The following SYT1 variants were observed in gnomAD, a reference collection of about 807,000 sequenced individuals.
SYT1 encodes the protein synaptotagmin-1.
In SYT1, 8 loss-of-function variants were observed where a neutral mutation model predicts 44.8. The ratio of observed to expected loss-of-function variants is 0.18; its 90% confidence interval spans 0.10 to 0.32. SYT1 has a LOEUF of 0.32. Ranked by LOEUF, SYT1 falls within the 10% of genes least tolerant of loss-of-function variation. The probability of loss-of-function intolerance (pLI) is 1.00; values close to 1 mark genes in which losing one functional copy is unlikely to be tolerated. For missense variants in SYT1, 286 were observed against 509.3 expected, an observed-to-expected ratio of 0.56 and a Z score of 4.22; for synonymous variants, 154 against 188.8, an observed-to-expected ratio of 0.82 and a Z score of 1.51.
intron 8 of SYT1, among the ~76,000 whole-genome samples, chr12:79,352,196 C>A (rs74107433): frequency 0.033 from 4,291 of 128,180 alleles, 149 homozygotes; most frequent in African/African-American, 0.097. Context: ...ACCCCCCCCC[C>A]AAAAAAAAAA....
At chr12:79,316,960 T>G (rs1418349964) in intron 8 of SYT1, among the ~76,000 whole-genome samples, 2 of 152,224 alleles carry the variant, frequency 1.3e-5, no homozygotes, top group Non-Finnish European at 2.9e-5. Flanking sequence ...CCACATATGT[T>G]AAATATTATT....
At chr12:79,157,044 G>A (rs1464771429) in intron 3 of SYT1, among the ~76,000 whole-genome samples, 1 of 152,096 alleles carries the variant, frequency 6.6e-6, no homozygotes, top group Non-Finnish European at 1.5e-5. Context: ...CGGTGTCAGG[G>A]TGAGGTGCAG....
At chr12:79,225,847 C>T (rs1038987992) in intron 4 of SYT1, among the ~76,000 whole-genome samples, 1 of 152,158 alleles carries the variant, frequency 6.6e-6, no homozygotes, top group African/African-American at 2.4e-5. Context: ...TTTAAAATTG[C>T]AATCCATTCA....
chr12:78,870,782 C>T (rs921318172), intron 1 of SYT1, among the ~76,000 whole-genome samples: 3 of 151,998 alleles, frequency 2.0e-5, no homozygotes, highest in Admixed American at 1.3e-4. Flanking sequence ...CATGTCACTC[C>T]ATGCCTACTG....
At chr12:79,077,800 G>A (rs544255493) in intron 3 of SYT1, among the ~76,000 whole-genome samples, 37 of 152,126 alleles carry the variant, frequency 2.4e-4, no homozygotes, top group African/African-American at 7.2e-4. Context: ...AATAAGCATT[G>A]GGCCATTCAG....
chr12:79,242,786 T>C (rs927993856), intron 4 of SYT1, among the ~76,000 whole-genome samples: 3 of 152,348 alleles, frequency 2.0e-5, no homozygotes, highest in African/African-American at 7.2e-5. Context: ...GTGTTATATT[T>C]AATATGTAAC....
At chr12:79,358,873 C>T (rs1883213213) in intron 9 of SYT1, among the ~76,000 whole-genome samples, 1 of 152,162 alleles carries the variant, frequency 6.6e-6, no homozygotes, top group African/African-American at 2.4e-5. Flanking sequence ...ATGTTCGTAA[C>T]TGTAAACCCT....
chr12:79,375,313 G>A lies in SYT1; in HGVS notation c.928+21694G>A, dbSNP rs1883949969. 2.0e-5 allele frequency among the ~76,000 whole-genome samples: 3 copies of A among 152,120 alleles called. No homozygotes were observed. The South Asian group carries it at 6.2e-4, about 32-fold the overall frequency. On this transcript the variant is annotated intron_variant, in intron 9 of 10. Transcript: ENST00000261205. ...AAACCAAGAACCGGGTTGAGGGATT[G>A]TGCAGGGCAAAGGGATAGGCCAAAA...
intron 9 of SYT1, among the ~76,000 whole-genome samples, chr12:79,382,938 CTG>C (rs1475578587): frequency 6.6e-5 from 10 of 152,280 alleles, no homozygotes; most frequent in Non-Finnish European, 1.0e-4. Flanking sequence ...GTGTGTGAAA[CTG>C]TAGATAATAA....
At chr12:79,141,404 T>C (rs975049068) in intron 3 of SYT1, among the ~76,000 whole-genome samples, 1 of 152,134 alleles carries the variant, frequency 6.6e-6, no homozygotes, top group South Asian at 2.1e-4. Context: ...AAGCTTATTA[T>C]TTAGGCACAT....
chr12:78,936,780 T>C (rs1878084849), intron 1 of SYT1, among the ~76,000 whole-genome samples: 1 of 152,034 alleles, frequency 6.6e-6, no homozygotes, highest in African/African-American at 2.4e-5. Context: ...AAGGCAGAAA[T>C]GTTCTTAAAA....
chr12:79,276,983 G>C (rs1878772216), intron 4 of SYT1, among the ~76,000 whole-genome samples: 1 of 151,668 alleles, frequency 6.6e-6, no homozygotes. Context: ...AGAGGAGGAG[G>C]AGGAGGGAGA....
intron 1 of SYT1, among the ~76,000 whole-genome samples, chr12:78,910,998 T>C (rs549629638): frequency 6.6e-6 from 1 of 152,046 alleles, no homozygotes; most frequent in South Asian, 2.1e-4. Flanking sequence ...TGCAGGGCCT[T>C]TTAGATTATG....
At chr12:79,039,025 T>A (rs1241017704) in intron 2 of SYT1, among the ~76,000 whole-genome samples, 1 of 151,966 alleles carries the variant, frequency 6.6e-6, no homozygotes, top group East Asian at 1.9e-4. Flanking sequence ...GTTGTCTTCC[T>A]CCCCAAAAAT....
At chr12:79,405,330 A>C (rs985349007) in intron 9 of SYT1, among the ~76,000 whole-genome samples, 1 of 152,142 alleles carries the variant, frequency 6.6e-6, no homozygotes, top group Non-Finnish European at 1.5e-5. Context: ...ACAGGCAGAA[A>C]TAAATATTAC....
In SYT1 at chr12:79,064,926, G is replaced by GACAAAGAAAGAA. The variant is rs549891799; in HGVS notation, c.-18+17565_-18+17566insCAAAGAAAGAAA. On this transcript the variant is annotated intron_variant, in intron 3 of 10. Coordinates refer to ENST00000261205, the MANE Select transcript of SYT1 (RefSeq NM_005639.3). ...CCCACTCTTTAGACAAAAAAATAGA[G>GACAAAGAAAGAA]AGAAAGAAAGAAAGAAAGAAAGAAA... Among the ~76,000 whole-genome samples, 843 of 111,526 alleles carry GACAAAGAAAGAA rather than the reference G, an allele frequency of 7.6e-3. 11 individuals carry two copies. The highest frequency in any genetic ancestry group is 0.011 in the Non-Finnish European group (619 of 55,436). The allele number at this position is 111,526 out of a possible 152,430, so 73.2% of individuals were successfully genotyped here.
rs554344419 is a variant in SYT1, at chr12:79,398,091, A to AT, written c.928+44474dup. 1.9e-3 allele frequency among the ~76,000 whole-genome samples: 290 copies of AT among 152,296 alleles called. 2 individuals are homozygous for AT. The highest frequency in any genetic ancestry group is 5.2e-3 in the East Asian group (27 of 5,180). On this transcript the variant is annotated intron_variant, in intron 9 of 10. Transcript: ENST00000261205. ...TACATATGTTTTTCCTGTTCCACCAATTATATTCCATTTGTCATTTGTTAT... is the reference window on the plus strand; with the variant it reads ...TACATATGTTTTTCCTGTTCCACCAATTTATATTCCATTTGTCATTTGTTAT...
At chr12:79,071,818 C>G (rs1876298740) in intron 3 of SYT1, among the ~76,000 whole-genome samples, 3 of 152,086 alleles carry the variant, frequency 2.0e-5, no homozygotes, top group Admixed American at 1.3e-4. Context: ...TTAAGGCCTA[C>G]CCTACTCAAG....
chr12:79,400,634 G>C (rs565465469), intron 9 of SYT1, among the ~76,000 whole-genome samples: 1 of 152,216 alleles, frequency 6.6e-6, no homozygotes, highest in Non-Finnish European at 1.5e-5. Flanking sequence ...ATTTGTAACT[G>C]TCTTAATCAC....
Sources: gnomAD v4.1 joint callset for allele counts (sites outside exome capture counted in the v4.1 genomes callset) on GRCh38, gnomAD v4.1.1 for gene constraint, MANE v1.5 for transcripts, NCBI Gene and HGNC (gene_info 2026-07-23, HGNC 2026-07-21) for gene names.